Variants in ADPGK observed in about 807,000 individuals in gnomAD.
ADPGK encodes ADP-dependent glucokinase.
A neutral mutation model predicts 42.4 loss-of-function variants in ADPGK; 26 were observed. The ratio of observed to expected loss-of-function variants is 0.61; its 90% CI spans 0.45 to 0.85. The LOEUF is 0.85. ADPGK is among the 40% of genes least tolerant of loss of function. ADPGK has a pLI of 0.00. For missense variants in ADPGK, 571 were observed against 627.0 expected, an observed-to-expected ratio of 0.91 and a Z score of 0.95; for synonymous variants, 267 against 252.6, an observed-to-expected ratio of 1.06 and a Z score of -0.54.
intron 2 of ADPGK, among the ~76,000 whole-genome samples, chr15:72,772,589 G>A (rs903412442): frequency 6.6e-6 from 1 of 152,054 alleles, no homozygotes; most frequent in African/African-American, 2.4e-5. Flanking sequence ...AACCTCTAAT[G>A]CAGCTCTTGT....
intron 2 of ADPGK, among the ~76,000 whole-genome samples, chr15:72,772,212 T>A (rs2066337221): frequency 6.6e-6 from 1 of 152,146 alleles, no homozygotes; most frequent in Non-Finnish European, 1.5e-5. Flanking sequence ...TGTGGAAAAA[T>A]CATTCAGTAG....
At chr15:72,753,633 G>A (rs2066075546) in intron 6 of ADPGK, among the ~76,000 whole-genome samples, 1 of 152,150 alleles carries the variant, frequency 6.6e-6, no homozygotes, top group Admixed American at 6.5e-5. Flanking sequence ...AAATTTAATG[G>A]CCTACATCTT....
intron 5 of ADPGK, 91 bp from the exon 6 acceptor site, chr15:72,755,745 T>G: frequency 9.9e-7 from 1 of 1,014,714 alleles, no homozygotes. Context: ...AGGCGGTTCC[T>G]CCTGGTAATG....
chr15:72,762,701 G>A (rs1033268446), intron 3 of ADPGK, among the ~76,000 whole-genome samples: 1 of 152,188 alleles, frequency 6.6e-6, no homozygotes, highest in African/African-American at 2.4e-5. Flanking sequence ...GACTAAACTG[G>A]CCAGGTGTGG....
intron 1 of ADPGK, among the ~76,000 whole-genome samples, chr15:72,778,546 C>A (rs973475132): frequency 1.3e-5 from 2 of 152,060 alleles, no homozygotes; most frequent in East Asian, 3.9e-4. Flanking sequence ...GGAGAAAACA[C>A]AGATGAAACA....
rs566548601 is a variant in ADPGK at position 72,777,142 on chromosome 15, C to T, written c.234-2045G>A. 3.3e-5 allele frequency among the ~76,000 whole-genome samples: 5 copies of T among 152,294 alleles called. No individual in the cohort carries two copies. The South Asian group carries it at 1.0e-3, about 32-fold the overall frequency. ...ACCTTGCAAACTGGTCTCAATTTTA[C>T]CTCAGACATGGTGCCCTTTATTTCT... On this transcript the variant is annotated intron_variant, in intron 1 of 6. Transcript: ENST00000456471.
chr15:72,766,066 T>C (rs988454582), intron 3 of ADPGK, among the ~76,000 whole-genome samples: 2 of 152,188 alleles, frequency 1.3e-5, no homozygotes, highest in Non-Finnish European at 2.9e-5. Flanking sequence ...CACAGTACAG[T>C]AGCCTCAAAC....
At chr15:72,774,851 C>T in intron 2 of ADPGK, 21 bp downstream of exon 2, 1 of 1,587,038 alleles carries the variant, frequency 6.3e-7, no homozygotes, top group Non-Finnish European at 8.6e-7. Flanking sequence ...CCTTAATTTA[C>T]TATTGCTGAA....
At chr15:72,753,519 T>C (rs149220450) in intron 6 of ADPGK, among the ~76,000 whole-genome samples, 1 of 152,354 alleles carries the variant, frequency 6.6e-6, no homozygotes, top group East Asian at 1.9e-4. Flanking sequence ...TCTTTCTTAC[T>C]TAGCACTTCC....
intron 4 of ADPGK, chr15:72,758,695 C>T (rs1490553958): frequency 1.9e-5 from 3 of 159,686 alleles, no homozygotes; most frequent in African/African-American, 7.2e-5. Flanking sequence ...TGTGCTGTCT[C>T]CTTAACTACA....
chr15:72,775,190 T>A (rs1595803444), intron 1 of ADPGK, 93 bp from the exon 2 acceptor site: 2 of 1,112,054 alleles, frequency 1.8e-6, no homozygotes, highest in Non-Finnish European at 2.6e-6. Context: ...AGAACCTTAT[T>A]CAACAGAAAA....
chr15:72,776,616 TTCC>T (rs1251676660), intron 1 of ADPGK, among the ~76,000 whole-genome samples: 1 of 152,232 alleles, frequency 6.6e-6, no homozygotes, highest in Non-Finnish European at 1.5e-5. Flanking sequence ...CATGCTTGTA[TTCC>T]TTTTAGAATT....
intron 1 of ADPGK, among the ~76,000 whole-genome samples, chr15:72,780,496 TATAAG>T (rs968615749): frequency 3.9e-5 from 6 of 152,166 alleles, no homozygotes; most frequent in African/African-American, 1.4e-4. Context: ...TATTAGTTGT[TATAAG>T]ATATTTAATA....
intron 6 of ADPGK, among the ~76,000 whole-genome samples, chr15:72,753,221 G>C (rs548898449): frequency 6.6e-6 from 1 of 152,288 alleles, no homozygotes; most frequent in Admixed American, 6.5e-5. Context: ...ACACATAGGA[G>C]ATACTCTTAC....
At chr15:72,758,412 C>G (rs1452830137) in intron 4 of ADPGK, 4 of 496,138 alleles carry the variant, frequency 8.1e-6, no homozygotes, top group Admixed American at 3.3e-5. Context: ...CTGGGGAGAT[C>G]TGGTAAGAGA....
intron 6 of ADPGK, among the ~76,000 whole-genome samples, chr15:72,753,401 T>A (rs2066072864): frequency 6.6e-6 from 1 of 152,096 alleles, no homozygotes; most frequent in Non-Finnish European, 1.5e-5. Context: ...AAAGCAGGTG[T>A]GGGTTAGGAA....
intron 1 of ADPGK, among the ~76,000 whole-genome samples, chr15:72,778,263 C>T (rs2066414191): frequency 6.6e-6 from 1 of 152,122 alleles, no homozygotes; most frequent in African/African-American, 2.4e-5. Context: ...AAACACTGAA[C>T]ATCTACTACA....
chr15:72,769,355 T>C (rs2066300739), intron 3 of ADPGK, among the ~76,000 whole-genome samples: 1 of 152,210 alleles, frequency 6.6e-6, no homozygotes, highest in African/African-American at 2.4e-5. Flanking sequence ...CACAAGTATA[T>C]ATTTTTTTGA....
In ADPGK at chr15:72,772,527, C is replaced by T. The variant is rs1055586583; in HGVS notation, c.460-682G>A. Among the ~76,000 whole-genome samples, 4 of 152,296 alleles carry T rather than the reference C, an allele frequency of 2.6e-5. No individual in the cohort carries two copies. The South Asian group carries it at 6.2e-4, about 24-fold the overall frequency. On this transcript the variant is annotated intron_variant, in intron 2 of 6. Coordinates refer to ENST00000456471, the MANE Select transcript of ADPGK (RefSeq NM_001365225.1). ...CCACTGACATCTCAGCCTTCACAAC[C>T]GCCCTCACCAGATAGGATTACAGAT...
Sources: gnomAD v4.1 joint callset for allele counts (sites outside exome capture counted in the v4.1 genomes callset) on GRCh38, gnomAD v4.1.1 for gene constraint, MANE v1.5 for transcripts, NCBI Gene and HGNC (gene_info 2026-07-23, HGNC 2026-07-21) for gene names.